The following TANGO6 variants were observed in gnomAD, a reference collection of about 807,000 sequenced individuals.
TANGO6 encodes the protein transport and golgi organization 6 homolog.
In TANGO6, 90 loss-of-function variants were observed where a neutral mutation model predicts 114.2. The observed-to-expected ratio is 0.79, with a 90% CI of 0.66 to 0.94. The LOEUF is 0.94. Among genes scored for constraint, TANGO6 ranks in the 40% least tolerant of loss-of-function variants. The pLI is 0.00. For missense variants in TANGO6, 1,274 were observed against 1,315.3 expected (o/e 0.97, Z 0.49); for synonymous variants, 477 against 509.8 (o/e 0.94, Z 0.87).
intron 11 of TANGO6, among the ~76,000 whole-genome samples, chr16:68,910,017 A>G (rs1567537674): frequency 6.6e-6 from 1 of 152,238 alleles, no homozygotes; most frequent in Admixed American, 6.5e-5. Context: ...TGGCTCAGAC[A>G]TTATTTTTCC....
intron 15 of TANGO6, among the ~76,000 whole-genome samples, chr16:69,016,746 G>T (rs988524737): frequency 6.6e-6 from 1 of 151,862 alleles, no homozygotes; most frequent in Admixed American, 6.6e-5. Flanking sequence ...TGCAACCTCC[G>T]CCTCCTGGGT....
At chr16:68,875,097 T>G in intron 4 of TANGO6, 57 bp from the exon 5 acceptor site, 1 of 1,529,394 alleles carries the variant, frequency 6.5e-7, no homozygotes, top group Non-Finnish European at 8.9e-7. Context: ...ATTTGTTACA[T>G]GGGACCTTCT....
At chr16:68,999,557 T>A (rs1343567994) in intron 15 of TANGO6, among the ~76,000 whole-genome samples, 1 of 152,190 alleles carries the variant, frequency 6.6e-6, no homozygotes, top group Non-Finnish European at 1.5e-5. Flanking sequence ...ATAACAACAT[T>A]GCCATAAGTT....
intron 15 of TANGO6, among the ~76,000 whole-genome samples, chr16:69,016,571 T>G (rs1451904030): frequency 5.3e-5 from 8 of 152,166 alleles, no homozygotes; most frequent in African/African-American, 1.9e-4. Context: ...ACTAAACTCT[T>G]GGTTTATTTG....
intron 15 of TANGO6, among the ~76,000 whole-genome samples, chr16:68,986,280 C>T (rs1307377292): frequency 1.3e-5 from 2 of 152,088 alleles, no homozygotes; most frequent in African/African-American, 4.8e-5. Context: ...TGAATGAGGA[C>T]TGAGGGGTGA....
chr16:68,960,549 C>T (rs894946274), intron 14 of TANGO6, among the ~76,000 whole-genome samples: 2 of 152,018 alleles, frequency 1.3e-5, no homozygotes, highest in African/African-American at 2.4e-5. Context: ...GTCACCCAGG[C>T]TGGAGTGCAG....
intron 17 of TANGO6, among the ~76,000 whole-genome samples, chr16:69,069,115 GAAGTA>G (rs1248419283): frequency 2.6e-5 from 4 of 152,184 alleles, no homozygotes; most frequent in Non-Finnish European, 5.9e-5. Context: ...TCCTAGAAGT[GAAGTA>G]GTTTGTTCAA....
intron 1 of TANGO6, among the ~76,000 whole-genome samples, chr16:68,857,389 CT>C (rs542331577): frequency 0.026 from 3,746 of 145,740 alleles, 73 homozygotes; most frequent in African/African-American, 0.054. Flanking sequence ...TTTATCCATT[CT>C]TTTTTTTTTT....
At chr16:69,010,932 TTG>T (rs1180808723) in intron 15 of TANGO6, among the ~76,000 whole-genome samples, 1 of 152,220 alleles carries the variant, frequency 6.6e-6, no homozygotes, top group African/African-American at 2.4e-5. Context: ...GTTTAAAATA[TTG>T]TGTTTTCATT....
chr16:68,966,586 C>T (rs544656493), intron 14 of TANGO6, among the ~76,000 whole-genome samples: 1 of 151,864 alleles, frequency 6.6e-6, no homozygotes, highest in East Asian at 1.9e-4. Flanking sequence ...AGTGTGTAAC[C>T]ATCACCACAG....
At chr16:69,021,567 G>A (rs886777135) in intron 15 of TANGO6, among the ~76,000 whole-genome samples, 4 of 151,982 alleles carry the variant, frequency 2.6e-5, no homozygotes, top group East Asian at 1.9e-4. Context: ...CTCTTGTTTC[G>A]CAGCATATGC....
At chr16:69,005,824 C>T (rs1371631593) in intron 15 of TANGO6, among the ~76,000 whole-genome samples, 4 of 151,370 alleles carry the variant, frequency 2.6e-5, no homozygotes, top group South Asian at 4.2e-4. Flanking sequence ...GTTGAATCCT[C>T]ATTTTACCCA....
In TANGO6 at chr16:68,868,663, A is replaced by C. The variant is rs543627628; in HGVS notation, c.994+1443A>C. On this transcript the variant is annotated intron_variant, in intron 4 of 17. Transcript: ENST00000261778. The stretch of plus-strand genomic sequence containing the variant: ...AAGGCGCCTGCCACCACGCCCAGCT[A>C]ATTTTTTGTATTTTTAGTACAGATG... 2.5e-3 allele frequency among the ~76,000 whole-genome samples: 384 copies of C among 151,952 alleles called. 1 individual carries two copies. The highest frequency in any genetic ancestry group is 9.0e-3 in the African/African-American group (371 of 41,434).
chr16:68,882,312 T>G (rs377596059), intron 7 of TANGO6, among the ~76,000 whole-genome samples: 2 of 151,726 alleles, frequency 1.3e-5, no homozygotes, highest in Non-Finnish European at 2.9e-5. Flanking sequence ...CTGGCTAACA[T>G]GGTGAAACCC....
intron 7 of TANGO6, among the ~76,000 whole-genome samples, chr16:68,893,774 A>G (rs1456322659): frequency 1.3e-5 from 2 of 150,370 alleles, no homozygotes; most frequent in Non-Finnish European, 3.0e-5. Flanking sequence ...AAAAAAAAAA[A>G]GGAAAAGAAA....
rs201926305 is a variant in TANGO6 at position 68,919,167 on chromosome 16, C to T, written c.2075C>T (p.Thr692Met). The change falls in exon 12 of 18, where the codon ACG becomes ATG. Residue 692 changes from threonine (T) to methionine (M), a missense_variant. This residue lies in a region of TANGO6 where 908 missense variants were observed against 910.2 expected (regional missense o/e 1.00). Transcript: ENST00000261778. ...GCAGAGAGCACCGTGGAATCACAGA[C>T]GCTGAGCATGTCCATGGGGCTGGTG... ...HQAESTVESQ[T>M]LSMSMGLVAV... 286 of 1,612,546 alleles carry T rather than the reference C, an allele frequency of 1.8e-4. No individual in the cohort carries two copies. The highest frequency in any genetic ancestry group is 2.2e-4 in the Non-Finnish European group (258 of 1,179,464).
intron 17 of TANGO6, among the ~76,000 whole-genome samples, chr16:69,068,774 C>T (rs112713380): frequency 2.6e-3 from 391 of 152,268 alleles, no homozygotes; most frequent in African/African-American, 7.7e-3. Flanking sequence ...AGTGCGGTGA[C>T]GCCATCTTGG....
rs1272607027 is a variant in TANGO6 at position 68,982,047 on chromosome 16, G to A, written c.2842+7879G>A. Among the ~76,000 whole-genome samples, 3 of 152,082 alleles carry A rather than the reference G, an allele frequency of 2.0e-5. No individual in the cohort carries two copies. The East Asian group carries it at 5.8e-4, about 29-fold the overall frequency. ...GGGATTATTATGGCATGTAGTAGAC[G>A]CCCAGGATACTACCAGGCATCATAA... is the stretch of plus-strand genomic sequence containing the variant. On this transcript the variant is annotated intron_variant, in intron 15 of 17. Coordinates refer to ENST00000261778, the MANE Select transcript of TANGO6 (RefSeq NM_024562.2).
chr16:68,982,374 C>T (rs1247237390), intron 15 of TANGO6, among the ~76,000 whole-genome samples: 2 of 152,076 alleles, frequency 1.3e-5, no homozygotes, highest in African/African-American at 2.4e-5. Flanking sequence ...CTCACTTTGT[C>T]GCCCAGGCTG....
Sources: allele counts gnomAD v4.1 joint callset (sites outside exome capture counted in the v4.1 genomes callset), GRCh38; gene constraint gnomAD v4.1.1; regional missense constraint gnomAD v4.1.1; transcripts MANE v1.5; gene names NCBI Gene and HGNC (gene_info 2026-07-23, HGNC 2026-07-21).